DCAF8L2: variants seen among roughly 807,000 people sequenced by gnomAD.
DCAF8L2 encodes the protein DDB1- and CUL4-associated factor 8-like protein 2.
For missense variants in DCAF8L2, 430 were observed against 490.7 expected, an observed-to-expected ratio of 0.88 and a Z score of 1.17; for synonymous variants, 200 against 190.9, an observed-to-expected ratio of 1.05 and a Z score of -0.39.
At chrX:27,504,269 A>G in the DCAF8L2 span, among the ~76,000 whole-genome samples, 1 of 112,245 alleles carries the variant, frequency 8.9e-6, no homozygotes, top group African/African-American at 3.2e-5. Flanking sequence ...CCTTGCAGCA[A>G]GAAAAATTAT....
the DCAF8L2 span, among the ~76,000 whole-genome samples, chrX:27,555,654 T>A: frequency 8.9e-6 from 1 of 112,222 alleles, no homozygotes; most frequent in Non-Finnish European, 1.9e-5. Context: ...CCTGTAAGGA[T>A]TTCTCTTTTG....
At chrX:27,582,093 C>G in the DCAF8L2 span, among the ~76,000 whole-genome samples, 1 of 111,156 alleles carries the variant, frequency 9.0e-6, no homozygotes, top group East Asian at 2.8e-4. Context: ...ATTGAGGTCA[C>G]TATGTTTCAG....
chrX:27,499,838 G>GA, the DCAF8L2 span, among the ~76,000 whole-genome samples: 2 of 96,738 alleles, frequency 2.1e-5, no homozygotes, highest in Admixed American at 1.1e-4. Flanking sequence ...TTTGGTGGTG[G>GA]GGGGGGGTAC....
chrX:27,642,265 G>T (rs926389607), intron 2 of DCAF8L2, among the ~76,000 whole-genome samples: 4 of 110,871 alleles, frequency 3.6e-5, no homozygotes, highest in Non-Finnish European at 7.5e-5. Context: ...ACTTGTTTTT[G>T]ACTTTCTTAT....
chrX:27,570,613 T>C, the DCAF8L2 span, among the ~76,000 whole-genome samples: 1 of 111,558 alleles, frequency 9.0e-6, no homozygotes, highest in Non-Finnish European at 1.9e-5. Flanking sequence ...CCCTTTTTCC[T>C]TTTTCCATAA....
chrX:27,718,035 G>C (rs1462705110), intron 4 of DCAF8L2, among the ~76,000 whole-genome samples: 1 of 111,515 alleles, frequency 9.0e-6, no homozygotes, highest in Non-Finnish European at 1.9e-5. Context: ...CCTAACTTTT[G>C]AGAAATAATT....
intron 2 of DCAF8L2, among the ~76,000 whole-genome samples, chrX:27,665,962 C>T (rs1929725959): frequency 9.0e-6 from 1 of 111,575 alleles, no homozygotes; most frequent in Admixed American, 9.6e-5. Context: ...GTGATATTTG[C>T]TTTATTGTAG....
At chrX:27,582,528 C>A in the DCAF8L2 span, among the ~76,000 whole-genome samples, 1 of 111,442 alleles carries the variant, frequency 9.0e-6, no homozygotes, top group East Asian at 2.8e-4. Context: ...TTGGGTTTCT[C>A]AGATGTTTTT....
chrX:27,491,041 T>C, the DCAF8L2 span, among the ~76,000 whole-genome samples: 20,829 of 111,696 alleles, frequency 0.19, 1,650 homozygotes, highest in East Asian at 0.37. Flanking sequence ...TTGCAGATAT[T>C]TTTTCCCCTG....
At chrX:27,583,648 C>A in the DCAF8L2 span, among the ~76,000 whole-genome samples, 1 of 111,328 alleles carries the variant, frequency 9.0e-6, no homozygotes. Context: ...GCGAGCTTTA[C>A]TGCCTGAACT....
intron 1 of DCAF8L2, among the ~76,000 whole-genome samples, chrX:27,631,013 AACAT>A (rs1196674910): frequency 8.9e-6 from 1 of 111,808 alleles, no homozygotes; most frequent in African/African-American, 3.3e-5. Context: ...ATTAGGTTCC[AACAT>A]ATGAAATTTG....
chrX:27,531,654 G>A, the DCAF8L2 span, among the ~76,000 whole-genome samples: 1 of 111,644 alleles, frequency 9.0e-6, no homozygotes, highest in Non-Finnish European at 1.9e-5. Context: ...TATACCCACA[G>A]GAACATTGCT....
At chrX:27,601,876 G>A (rs1168111792) in intron 1 of DCAF8L2, among the ~76,000 whole-genome samples, 1 of 110,929 alleles carries the variant, frequency 9.0e-6, no homozygotes, top group Non-Finnish European at 1.9e-5. Context: ...GTGTATTCTG[G>A]TAGGGTTTAG....
intron 4 of DCAF8L2, 21 bp from the exon 5 acceptor site, chrX:27,746,817 G>A: frequency 2.0e-6 from 2 of 1,005,888 alleles, no homozygotes; most frequent in Non-Finnish European, 2.7e-6. Flanking sequence ...AGTCCTAACC[G>A]CAGGCCAACT....
chrX:27,513,346 T>C, the DCAF8L2 span, among the ~76,000 whole-genome samples: 1 of 111,608 alleles, frequency 9.0e-6, no homozygotes, highest in Non-Finnish European at 1.9e-5. Flanking sequence ...ACTATGTATT[T>C]GGTTAATATC....
chrX:27,520,168 A>T, the DCAF8L2 span, among the ~76,000 whole-genome samples: 1 of 111,849 alleles, frequency 8.9e-6, no homozygotes, highest in Admixed American at 9.5e-5. Context: ...AATTTAGTCA[A>T]TTTTTTAACT....
the DCAF8L2 span, among the ~76,000 whole-genome samples, chrX:27,478,189 T>G: frequency 8.9e-6 from 1 of 112,501 alleles, no homozygotes; most frequent in East Asian, 2.8e-4. Context: ...TAAAATAAAG[T>G]ATTAACACTC....
chrX:27,538,681 G>A, the DCAF8L2 span, among the ~76,000 whole-genome samples: 3 of 108,174 alleles, frequency 2.8e-5, no homozygotes, highest in East Asian at 3.0e-4. Flanking sequence ...CGTGAGCACC[G>A]TGCCCGGCCC....
the DCAF8L2 span, among the ~76,000 whole-genome samples, chrX:27,499,314 T>C: frequency 2.7e-5 from 3 of 112,231 alleles, no homozygotes; most frequent in African/African-American, 9.7e-5. Context: ...TGCATTTCCC[T>C]GGTGATTAGT....
Sources: gnomAD v4.1 joint callset for allele counts (sites outside exome capture counted in the v4.1 genomes callset) on GRCh38, gnomAD v4.1.1 for gene constraint, MANE v1.5 for transcripts, NCBI Gene and HGNC (gene_info 2026-07-23, HGNC 2026-07-21) for gene names.